The following PHF24 variants were observed in gnomAD, a reference collection of about 807,000 sequenced individuals.
PHF24 encodes Galpha inhibitory interacting protein.
Under a neutral mutation model 42.6 loss-of-function variants are expected in PHF24, and 25 were observed. That is an observed-to-expected ratio of 0.59 (90% CI 0.43 to 0.82). PHF24 has a LOEUF of 0.82. Ranked by LOEUF, PHF24 falls within the 40% of genes least tolerant of loss-of-function variation. PHF24 has a pLI of 0.00. For missense variants in PHF24, 470 were observed against 538.1 expected, an observed-to-expected ratio of 0.87 and a Z score of 1.25; for synonymous variants, 185 against 204.8, an observed-to-expected ratio of 0.90 and a Z score of 0.83.
intron 1 of PHF24, among the ~76,000 whole-genome samples, chr9:34,970,811 T>C (rs1826946678): frequency 6.6e-6 from 1 of 152,202 alleles, no homozygotes; most frequent in Non-Finnish European, 1.5e-5. Context: ...GAGATATCAT[T>C]TCATGCACGT....
chr9:34,976,586 A>T, exon 5 of PHF24: 2 of 1,614,152 alleles, frequency 1.2e-6, no homozygotes, highest in Middle Eastern at 3.3e-4. Flanking sequence ...CAAGCAGCCA[A>T]GCGGGGGGAC....
At chr9:34,936,866 C>T in the PHF24 span, among the ~76,000 whole-genome samples, 54 of 149,600 alleles carry the variant, frequency 3.6e-4, no homozygotes, top group African/African-American at 1.2e-3. Context: ...GGAGCCCCTC[C>T]GCCCGGCAGC....
At chr9:34,818,777 C>T in the PHF24 span, among the ~76,000 whole-genome samples, 2 of 152,036 alleles carry the variant, frequency 1.3e-5, no homozygotes, top group African/African-American at 4.8e-5. Flanking sequence ...CTGTGAGACC[C>T]CGTCTATATA....
chr9:34,764,824 C>G, the PHF24 span, among the ~76,000 whole-genome samples: 2 of 151,858 alleles, frequency 1.3e-5, no homozygotes, highest in Admixed American at 6.6e-5. Context: ...CCTGCTTTCT[C>G]TTGTGGGCAT....
the PHF24 span, among the ~76,000 whole-genome samples, chr9:34,856,791 G>T: frequency 6.6e-6 from 1 of 152,228 alleles, no homozygotes; most frequent in African/African-American, 2.4e-5. Flanking sequence ...AAGCAGTCTG[G>T]CTGCCCCTTG....
the PHF24 span, among the ~76,000 whole-genome samples, chr9:34,790,491 A>G: frequency 2.0e-5 from 3 of 148,708 alleles, no homozygotes; most frequent in South Asian, 2.1e-4. Flanking sequence ...AACAATGCAT[A>G]TAAGTACTTA....
the PHF24 span, among the ~76,000 whole-genome samples, chr9:34,940,514 G>A: frequency 6.6e-6 from 1 of 152,158 alleles, no homozygotes; most frequent in East Asian, 1.9e-4. Flanking sequence ...TACTTAGGGA[G>A]ACTGAGTCAG....
the PHF24 span, among the ~76,000 whole-genome samples, chr9:34,845,268 ACTCCACT>A: frequency 6.6e-6 from 1 of 151,724 alleles, no homozygotes; most frequent in South Asian, 2.1e-4. Context: ...TTGTTTTTTT[ACTCCACT>A]CTGCCACTTT....
the PHF24 span, among the ~76,000 whole-genome samples, chr9:34,823,923 C>T: frequency 6.6e-6 from 1 of 152,180 alleles, no homozygotes; most frequent in Non-Finnish European, 1.5e-5. Context: ...TCACATCTAC[C>T]TCAGCCACAG....
chr9:34,800,140 A>G, the PHF24 span, among the ~76,000 whole-genome samples: 1 of 152,044 alleles, frequency 6.6e-6, no homozygotes, highest in African/African-American at 2.4e-5. Flanking sequence ...TATACAAATT[A>G]AAAAAAAGAA....
At chr9:34,862,717 G>T in the PHF24 span, among the ~76,000 whole-genome samples, 1 of 151,844 alleles carries the variant, frequency 6.6e-6, no homozygotes, top group East Asian at 2.0e-4. Flanking sequence ...CGAATTCCCA[G>T]GTGTGGTGGC....
At chr9:34,768,980 T>C in the PHF24 span, among the ~76,000 whole-genome samples, 1 of 152,246 alleles carries the variant, frequency 6.6e-6, no homozygotes. Flanking sequence ...AAAAAACTTT[T>C]GTGTATACAA....
the PHF24 span, among the ~76,000 whole-genome samples, chr9:34,762,382 T>C: frequency 6.0e-5 from 9 of 151,210 alleles, no homozygotes; most frequent in African/African-American, 1.9e-4. Flanking sequence ...TTTTAATGAT[T>C]GCCATTCTAA....
the PHF24 span, among the ~76,000 whole-genome samples, chr9:34,799,279 C>T: frequency 8.5e-5 from 13 of 152,264 alleles, no homozygotes; most frequent in African/African-American, 2.6e-4. Context: ...TAAATCCTAG[C>T]GCTGCCATTA....
At chr9:34,679,756 G>A in the PHF24 span, among the ~76,000 whole-genome samples, 1 of 152,156 alleles carries the variant, frequency 6.6e-6, no homozygotes, top group African/African-American at 2.4e-5. Flanking sequence ...GCCAGTGAAT[G>A]GCAGGCAGTT....
At chr9:34,769,925 A>G in the PHF24 span, among the ~76,000 whole-genome samples, 1 of 152,214 alleles carries the variant, frequency 6.6e-6, no homozygotes, top group Non-Finnish European at 1.5e-5. Context: ...AGAGGATTTA[A>G]TTTGAAAAAA....
chr9:34,778,954 CAGA>C, the PHF24 span, among the ~76,000 whole-genome samples: 3 of 151,924 alleles, frequency 2.0e-5, no homozygotes, highest in Admixed American at 2.0e-4. Context: ...AGATCAATAT[CAGA>C]AGGAAATTTG....
chr9:34,873,951 C>G, the PHF24 span, among the ~76,000 whole-genome samples: 1 of 152,142 alleles, frequency 6.6e-6, no homozygotes, highest in Non-Finnish European at 1.5e-5. Flanking sequence ...ATTTTATTCT[C>G]TTTGAAGCAA....
At chr9:34,836,091 G>A in the PHF24 span, 3 of 524,926 alleles carry the variant, frequency 5.7e-6, no homozygotes, top group East Asian at 5.3e-5. Context: ...TGATGGAGTA[G>A]CATCTACCTT....
Sources: gnomAD v4.1 joint callset for allele counts (sites outside exome capture counted in the v4.1 genomes callset) on GRCh38, gnomAD v4.1.1 for gene constraint, MANE v1.5 for transcripts, NCBI Gene and HGNC (gene_info 2026-07-23, HGNC 2026-07-21) for gene names.